C8orf34: variants seen among roughly 807,000 people sequenced by gnomAD.
C8orf34 encodes the protein chromosome 8 open reading frame 34.
Under a neutral mutation model 68.3 loss-of-function variants are expected in C8orf34, and 65 were observed. The ratio of observed to expected loss-of-function variants is 0.95; its 90% CI spans 0.78 to 1.17. The LOEUF is 1.17. Ranked by LOEUF, C8orf34 falls within the 50% of genes most tolerant of loss-of-function variation. The probability of loss-of-function intolerance (pLI) is 0.00; values close to 1 mark genes in which losing one functional copy is unlikely to be tolerated. For synonymous variants in C8orf34, 244 were observed against 241.2 expected, an observed-to-expected ratio of 1.01 and a Z score of -0.11; for missense variants, 664 against 655.4, an observed-to-expected ratio of 1.01 and a Z score of -0.14.
chr8:68,795,724 GC>G (rs1824160573), intron 12 of C8orf34, among the ~76,000 whole-genome samples: 4 of 152,284 alleles, frequency 2.6e-5, no homozygotes, highest in Admixed American at 2.6e-4. Context: ...CTTATGTAGA[GC>G]TTTATGGAGT....
intron 1 of C8orf34, among the ~76,000 whole-genome samples, chr8:68,400,083 T>G (rs1326735166): frequency 6.6e-6 from 1 of 152,192 alleles, no homozygotes; most frequent in Non-Finnish European, 1.5e-5. Context: ...GTTGGATGCA[T>G]GGTTTGCAAA....
At chr8:68,377,092 A>G (rs1807835059) in intron 1 of C8orf34, among the ~76,000 whole-genome samples, 1 of 152,122 alleles carries the variant, frequency 6.6e-6, no homozygotes, top group Non-Finnish European at 1.5e-5. Context: ...AGAAGAGCAG[A>G]AGTAAGAAGC....
intron 7 of C8orf34, among the ~76,000 whole-genome samples, chr8:68,561,536 C>A (rs550465194): frequency 6.6e-6 from 1 of 152,146 alleles, no homozygotes; most frequent in Non-Finnish European, 1.5e-5. Context: ...ATGGGGGGAT[C>A]TCCTGAGGTC....
intron 10 of C8orf34, among the ~76,000 whole-genome samples, chr8:68,724,615 C>T (rs1355772731): frequency 6.6e-6 from 1 of 152,182 alleles, no homozygotes; most frequent in Non-Finnish European, 1.5e-5. Flanking sequence ...ATTTCCCTCT[C>T]CCTCTCTGCT....
intron 7 of C8orf34, chr8:68,533,380 G>A (rs1251564160): frequency 3.3e-6 from 4 of 1,224,500 alleles, no homozygotes; most frequent in African/African-American, 3.1e-5. Flanking sequence ...TGTGTATGCT[G>A]CACTTTACCT....
chr8:68,388,615 C>T (rs1490123551), intron 1 of C8orf34, among the ~76,000 whole-genome samples: 1 of 152,098 alleles, frequency 6.6e-6, no homozygotes, highest in African/African-American at 2.4e-5. Context: ...TGATACTCAT[C>T]TGATGAGAAA....
chr8:68,676,576 A>G (rs1047100723), intron 8 of C8orf34, among the ~76,000 whole-genome samples: 12 of 152,178 alleles, frequency 7.9e-5, no homozygotes, highest in Non-Finnish European at 1.8e-4. Flanking sequence ...ACAGCCCAAT[A>G]CATATTCTTT....
intron 1 of C8orf34, among the ~76,000 whole-genome samples, chr8:68,426,322 A>G (rs1225428412): frequency 6.6e-6 from 1 of 152,044 alleles, no homozygotes. Flanking sequence ...GTTGAAGACC[A>G]GCCTGGCCAA....
At chr8:68,494,305 T>C (rs1813431585) in intron 5 of C8orf34, among the ~76,000 whole-genome samples, 1 of 152,198 alleles carries the variant, frequency 6.6e-6, no homozygotes, top group African/African-American at 2.4e-5. Context: ...ATTCTACTTA[T>C]ATGAAGTATT....
intron 7 of C8orf34, among the ~76,000 whole-genome samples, chr8:68,585,675 AG>A (rs1817188123): frequency 6.6e-6 from 1 of 152,062 alleles, no homozygotes; most frequent in African/African-American, 2.4e-5. Context: ...CAGGCGTGGC[AG>A]GGCTGGAGAG....
At chr8:68,403,889 G>T (rs898938703) in intron 1 of C8orf34, among the ~76,000 whole-genome samples, 1 of 152,106 alleles carries the variant, frequency 6.6e-6, no homozygotes, top group Non-Finnish European at 1.5e-5. Flanking sequence ...AACCCTTTGG[G>T]TATATACCCA....
intron 1 of C8orf34, among the ~76,000 whole-genome samples, chr8:68,364,885 TAACTA>T (rs1483394663): frequency 6.6e-6 from 1 of 151,602 alleles, no homozygotes; most frequent in Non-Finnish European, 1.5e-5. Flanking sequence ...AGGCAAGAAA[TAACTA>T]AAATCAGAGA....
At chr8:68,619,962 A>G (rs763870711) in intron 7 of C8orf34, among the ~76,000 whole-genome samples, 4 of 152,200 alleles carry the variant, frequency 2.6e-5, no homozygotes, top group Non-Finnish European at 5.9e-5. Flanking sequence ...TGTGTAGGGT[A>G]TAGAAATAGT....
At chr8:68,731,833 C>T (rs140448008) in intron 10 of C8orf34, among the ~76,000 whole-genome samples, 9 of 152,280 alleles carry the variant, frequency 5.9e-5, no homozygotes, top group South Asian at 4.1e-4. Context: ...AGTTGCCATA[C>T]GTGATTTAAT....
At chr8:68,588,024 A>G (rs760401047) in intron 7 of C8orf34, among the ~76,000 whole-genome samples, 8 of 152,170 alleles carry the variant, frequency 5.3e-5, no homozygotes, top group Non-Finnish European at 1.2e-4. Flanking sequence ...TTTACCTACA[A>G]TAGGAAAAGT....
At position 68,330,957 on chromosome 8, in the gene C8orf34, T is replaced by A; in HGVS notation, c.-56T>A. 7.7e-7 allele frequency: 1 copy of A among 1,291,576 alleles called. No homozygotes were observed. 80.0% of individuals were successfully genotyped at this position (1,291,576 alleles called of 1,614,324 possible). A position where few individuals can be genotyped will look rare whatever the true frequency, so the allele number is the denominator to read the frequency against. Reference sequence around the variant, plus strand: ...GAACCTCTGCCTCGAATTTCCCCACTGCGCCGGGCGCTGCGGAGAGCGGCG... The same window carrying A: ...GAACCTCTGCCTCGAATTTCCCCACAGCGCCGGGCGCTGCGGAGAGCGGCG... On this transcript the variant is annotated 5_prime_UTR_variant, in exon 1 of 14. Coordinates refer to ENST00000518698, the MANE Select transcript of C8orf34 (RefSeq NM_052958.4).
intron 7 of C8orf34, among the ~76,000 whole-genome samples, chr8:68,573,320 C>T (rs1234380380): frequency 6.6e-6 from 1 of 152,008 alleles, no homozygotes; most frequent in Admixed American, 6.6e-5. Flanking sequence ...TTTGAAGTCA[C>T]CATGTTTCTA....
At chr8:68,508,974 C>A (rs988720698) in intron 5 of C8orf34, among the ~76,000 whole-genome samples, 3 of 152,138 alleles carry the variant, frequency 2.0e-5, no homozygotes, top group Non-Finnish European at 4.4e-5. Context: ...AGAGGAGGGG[C>A]CAGGTTCCTC....
chr8:68,476,569 T>TAAA (rs1812626267), intron 4 of C8orf34, among the ~76,000 whole-genome samples: 1 of 152,202 alleles, frequency 6.6e-6, no homozygotes. Flanking sequence ...GATAGTCTGG[T>TAAA]ATGAACTAAA....
Sources: gnomAD v4.1 joint callset for allele counts (sites outside exome capture counted in the v4.1 genomes callset) on GRCh38, gnomAD v4.1.1 for gene constraint, MANE v1.5 for transcripts, NCBI Gene and HGNC (gene_info 2026-07-23, HGNC 2026-07-21) for gene names.